PBX1: variants seen among roughly 807,000 people sequenced by gnomAD.
PBX1 encodes PBX homeobox 1.
A neutral mutation model predicts 53.4 loss-of-function variants in PBX1; 6 were observed. That is an observed-to-expected ratio of 0.11 (90% CI 0.06 to 0.22). The LOEUF is 0.22. PBX1 is among the 10% of genes least tolerant of loss of function. The pLI is 1.00. For missense variants in PBX1, 251 were observed against 551.4 expected, an observed-to-expected ratio of 0.46 and a Z score of 5.46; for synonymous variants, 204 against 212.3, an observed-to-expected ratio of 0.96 and a Z score of 0.34.
intron 2 of PBX1, among the ~76,000 whole-genome samples, chr1:164,783,376 T>TG (rs1668021355): frequency 1.3e-5 from 1 of 77,372 alleles, no homozygotes; most frequent in African/African-American, 5.2e-5. Context: ...GTCAGTAAGG[T>TG]GGGGGTGGGG....
intron 2 of PBX1, among the ~76,000 whole-genome samples, chr1:164,591,002 A>G (rs770618692): frequency 3.1e-4 from 43 of 139,802 alleles, no homozygotes; most frequent in Non-Finnish European, 5.2e-4. Context: ...GTGCCACCAC[A>G]CTTGGCTAAT....
At chr1:164,733,951 C>G (rs1304039515) in intron 2 of PBX1, among the ~76,000 whole-genome samples, 1 of 152,106 alleles carries the variant, frequency 6.6e-6, no homozygotes, top group Non-Finnish European at 1.5e-5. Flanking sequence ...TAATTTTTTT[C>G]TGTGGTTGAC....
intron 2 of PBX1, among the ~76,000 whole-genome samples, chr1:164,747,578 A>G (rs988742046): frequency 6.6e-6 from 1 of 152,142 alleles, no homozygotes; most frequent in Admixed American, 6.5e-5. Flanking sequence ...ATCTTGAATG[A>G]CCACGGGCAC....
At position 164,792,553 on chromosome 1, in the gene PBX1, G is replaced by A. The variant is rs757647151; in HGVS notation, c.325G>A (p.Asp109Asn). Residue 109 changes from aspartate (D) to asparagine (N), a missense_variant, in exon 3 of 9, where the codon GAC becomes AAC. Coordinates refer to ENST00000420696, the MANE Select transcript of PBX1 (RefSeq NM_002585.4). ...CACAGACCCCCAGCTGATGCGGCTG[G>A]ACAACATGCTGTTAGCGGAAGGCGT... Reference protein sequence around the residue: ...EPTDPQLMRLDNMLLAEGVAG... With the variant: ...EPTDPQLMRLNNMLLAEGVAG... 6.2e-7 allele frequency: 1 copy of A among 1,614,124 alleles called. No individual in the cohort carries two copies. The highest frequency in any genetic ancestry group is 8.5e-7 in the Non-Finnish European group (1 of 1,180,008).
At chr1:164,845,491 G>C (rs900210262) in intron 8 of PBX1, among the ~76,000 whole-genome samples, 1 of 152,136 alleles carries the variant, frequency 6.6e-6, no homozygotes, top group Non-Finnish European at 1.5e-5. Flanking sequence ...TCTGTTCAAC[G>C]TGAACTACAA....
intron 2 of PBX1, among the ~76,000 whole-genome samples, chr1:164,747,702 C>G (rs1479960196): frequency 6.6e-6 from 1 of 152,050 alleles, no homozygotes; most frequent in African/African-American, 2.4e-5. Flanking sequence ...ATTAATAATC[C>G]TCTCATAGAA....
Position 164,753,571 on chromosome 1 carries a change from A to ATGGAGT in PBX1, c.266-38921_266-38916dup, listed in dbSNP as rs538858439. Among the ~76,000 whole-genome samples the ATGGAGT allele has an allele frequency of 4.7e-3, 721 of 152,334 alleles. 6 individuals are homozygous for ATGGAGT. The highest frequency in any genetic ancestry group is 0.017 in the African/African-American group (686 of 41,574). On this transcript the variant is annotated intron_variant, in intron 2 of 8. Transcript: ENST00000420696. ...GAAAAGGAGTCCCTTGGAATTAAAA[A>ATGGAGT]TGGAGTTTGCAAGACCACACTTGAC...
At chr1:164,660,570 TGTA>T (rs56886104) in intron 2 of PBX1, among the ~76,000 whole-genome samples, 3,207 of 152,288 alleles carry the variant, frequency 0.021, 93 homozygotes, top group African/African-American at 0.074. Flanking sequence ...CACAGTCAGT[TGTA>T]GTAACATCAG....
chr1:164,626,602 A>T (rs918513383), intron 2 of PBX1, among the ~76,000 whole-genome samples: 5 of 152,122 alleles, frequency 3.3e-5, no homozygotes, highest in African/African-American at 4.8e-5. Flanking sequence ...ATCCAACCTA[A>T]ATCTTTTCTG....
At chr1:164,658,228 T>C (rs1660278793) in intron 2 of PBX1, among the ~76,000 whole-genome samples, 1 of 151,014 alleles carries the variant, frequency 6.6e-6, no homozygotes, top group Non-Finnish European at 1.5e-5. Context: ...TTACAGCCCA[T>C]GCGAATTCTG....
rs1671714703 is a variant in PBX1, at chr1:164,849,299, T to A, written c.*2623T>A. The A allele has an allele frequency of 4.6e-6, 7 of 1,534,808 alleles. No individual in the cohort carries two copies. Among genetic ancestry groups the A allele is most frequent in the Non-Finnish European group, 6.1e-6 (7 of 1,146,280 alleles). On this transcript the variant is annotated 3_prime_UTR_variant, in exon 9 of 9. Transcript: ENST00000420696. ...CACTGATGATCACCTTTCACAGCAT[T>A]TTCCCCAACCAGCATTTCACTTAGT...
intron 2 of PBX1, among the ~76,000 whole-genome samples, chr1:164,588,149 C>T (rs1195971251): frequency 6.6e-6 from 1 of 152,184 alleles, no homozygotes; most frequent in Non-Finnish European, 1.5e-5. Context: ...AGCTGAAAAA[C>T]CTCACATCCA....
At chr1:164,783,420 G>T (rs1164244107) in intron 2 of PBX1, among the ~76,000 whole-genome samples, 1 of 152,110 alleles carries the variant, frequency 6.6e-6, no homozygotes, top group Non-Finnish European at 1.5e-5. Context: ...GTGCGTGTAT[G>T]TGTGTATGTA....
intron 2 of PBX1, among the ~76,000 whole-genome samples, chr1:164,750,380 A>C (rs1666137025): frequency 6.6e-6 from 1 of 152,204 alleles, no homozygotes; most frequent in Admixed American, 6.5e-5. Context: ...AAAATAACAC[A>C]GTATTTTGAC....
At chr1:164,865,186 A>G (rs1007333572) in intron 2 of PBX1, among the ~76,000 whole-genome samples, 11 of 152,228 alleles carry the variant, frequency 7.2e-5, no homozygotes, top group Non-Finnish European at 1.0e-4. Context: ...AACTGAGATG[A>G]GGGGACTAAG....
chr1:164,871,727 T>A (rs952438651), intron 2 of PBX1, among the ~76,000 whole-genome samples: 1 of 152,128 alleles, frequency 6.6e-6, no homozygotes, highest in African/African-American at 2.4e-5. Flanking sequence ...CAAAGAGTGG[T>A]GAAGGTGGCC....
chr1:164,711,333 G>A (rs1474243432), intron 2 of PBX1, among the ~76,000 whole-genome samples: 2 of 152,092 alleles, frequency 1.3e-5, no homozygotes, highest in Non-Finnish European at 2.9e-5. Flanking sequence ...GCGCGATCTC[G>A]GCTCACTGCA....
At chr1:164,823,230 A>AT (rs1416683293) in intron 8 of PBX1, among the ~76,000 whole-genome samples, 1 of 152,204 alleles carries the variant, frequency 6.6e-6, no homozygotes, top group Non-Finnish European at 1.5e-5. Flanking sequence ...TTAGTACTGC[A>AT]TTGATGGCTG....
chr1:164,844,751 C>A (rs1671484556), intron 8 of PBX1, among the ~76,000 whole-genome samples: 1 of 152,126 alleles, frequency 6.6e-6, no homozygotes, highest in African/African-American at 2.4e-5. Flanking sequence ...TATTATCACC[C>A]CTATGGCAGA....
Sources: gnomAD v4.1 joint callset for allele counts (sites outside exome capture counted in the v4.1 genomes callset) on GRCh38, gnomAD v4.1.1 for gene constraint, MANE v1.5 for transcripts, NCBI Gene and HGNC (gene_info 2026-07-23, HGNC 2026-07-21) for gene names.